Variants in LRP1 observed in about 807,000 individuals in gnomAD.
LRP1 encodes the protein LDL receptor related protein 1.
Under a neutral mutation model 541.5 loss-of-function variants are expected in LRP1, and 51 were observed. That is an observed-to-expected ratio of 0.09 (90% CI 0.08 to 0.12). The LOEUF is 0.12. Among genes scored for constraint, LRP1 ranks in the 10% least tolerant of loss-of-function variants. The pLI, the probability that LRP1 is intolerant of heterozygous loss-of-function variation, is 1.00. For synonymous variants in LRP1, 2,219 were observed against 2,470.8 expected, an observed-to-expected ratio of 0.90 and a Z score of 3.02; for missense variants, 3,878 against 6,376.2, an observed-to-expected ratio of 0.61 and a Z score of 13.34.
rs2035995691 is a variant in LRP1, at chr12:57,173,994, C to G, written c.3547+14C>G. The G allele has an allele frequency of 1.2e-6, 2 of 1,613,074 alleles. No homozygotes were observed. Among genetic ancestry groups the G allele is most frequent in the Non-Finnish European group, 8.5e-7 (1 of 1,179,728 alleles). ...GCGAGCTCTGCGGTGAGGCCTGGTC[C>G]CAGGAGAAGGGTAGGGAGGGTGGCT... On this transcript the variant is annotated intron_variant, in intron 22 of 88. Transcript: ENST00000243077. This position sits in a 1 kb window ranked among gnomAD's most constrained non-coding sequence, Gnocchi z 4.7.
intron 15 of LRP1, chr12:57,164,594 CCTGGTGGGAAAA>C (rs1299961388): frequency 6.6e-6 from 1 of 152,164 alleles, no homozygotes; most frequent in East Asian, 1.9e-4. Flanking sequence ...CTAAAAACAT[CCTGGTGGGAAAA>C]GTGGTTTTAT....
chr12:57,211,760 C>T lies in LRP1; in HGVS notation c.13204C>T (p.His4402Tyr). 4 of 1,613,294 alleles carry T rather than the reference C, an allele frequency of 2.5e-6. No homozygotes were observed. Among genetic ancestry groups the T allele is most frequent in the Non-Finnish European group, 3.4e-6 (4 of 1,179,948 alleles). Reference sequence around the variant, plus strand: ...CCCTCCTTTCTGCAGGTGCCCACCCCACATGACAGGGCCCCGGTGTGAGGA... The same window carrying T: ...CCCTCCTTTCTGCAGGTGCCCACCCTACATGACAGGGCCCCGGTGTGAGGA... ...KMMPECQCPP[H>Y]MTGPRCEEHV... Residue 4402 changes from histidine to tyrosine, a missense_variant, in exon 86 of 89, where the codon CAC becomes TAC. This residue lies in a region of LRP1 where 871 missense variants were observed against 1,212.4 expected (regional missense o/e 0.72). Coordinates refer to ENST00000243077, the MANE Select transcript of LRP1 (RefSeq NM_002332.3). The surrounding 1 kb of genome is among the most constrained non-coding windows in gnomAD (Gnocchi z 4.3).
Position 57,154,671 on chromosome 12 carries a change from G to A in LRP1, c.1197G>A (p.Lys399=), listed in dbSNP as rs896118380. The change falls in exon 8 of 89, where the codon AAG becomes AAA. Residue 399 remains lysine (K), a synonymous_variant. Transcript: ENST00000243077. This position sits in a 1 kb window ranked among gnomAD's most constrained non-coding sequence, Gnocchi z 4.6. ...TTGAAGTGGTGGACTATGAGGGCAA[G>A]GGCCGCCAGACCATCATCCAGGGCA... The part of the protein sequence containing the change: ...DYIEVVDYEG[K]GRQTIIQGIL... 5.1e-6 allele frequency: 8 copies of A among 1,571,820 alleles called. No homozygotes were observed. In the Middle Eastern group the frequency reaches 5.0e-4, roughly 98 times the overall value.
intron 22 of LRP1, 117 bp from the exon 23 acceptor site, chr12:57,175,343 G>A (rs1304277122): frequency 2.0e-5 from 24 of 1,223,580 alleles, no homozygotes; most frequent in Non-Finnish European, 2.8e-5. Flanking sequence ...ATGGGGCCGT[G>A]GGCAGGGCAC....
intron 81 of LRP1, 55 bp downstream of exon 81, chr12:57,210,224 G>A: frequency 6.4e-7 from 1 of 1,551,542 alleles, no homozygotes; most frequent in South Asian, 1.2e-5. Context: ...TCCTTCCTGT[G>A]GCTCCTGACT....
chr12:57,143,551 T>G (rs930378703), intron 3 of LRP1, 128 bp from the exon 4 acceptor site: 3 of 1,162,504 alleles, frequency 2.6e-6, no homozygotes, highest in Middle Eastern at 3.0e-4. Context: ...CTAAGGCCCT[T>G]CTGTCTCTGA....
At chr12:57,193,741 C>A (rs1046279165) in intron 47 of LRP1, 56 bp downstream of exon 47, 7 of 1,613,608 alleles carry the variant, frequency 4.3e-6, no homozygotes, top group Non-Finnish European at 5.9e-6. Context: ...CCCCACCCCT[C>A]CCTGGCCAAG....
intron 24 of LRP1, among the ~76,000 whole-genome samples, chr12:57,176,329 C>T (rs1007857590): frequency 3.9e-5 from 6 of 152,270 alleles, no homozygotes; most frequent in Non-Finnish European, 8.8e-5. Flanking sequence ...ATCAGCCTTA[C>T]CTTTGAATGG....
chr12:57,210,752 G>T lies in LRP1; in HGVS notation c.12789G>T (p.Thr4263=). The change falls in exon 83 of 89, where the codon ACG becomes ACT. Residue 4263 remains threonine (T), a synonymous_variant. Transcript: ENST00000243077. Reference sequence around the variant, plus strand: ...CGTGCCGGTGCCCCACGGGCTTCACGGGCCCCAAATGCACCCAGCAGGTGT... The same window carrying T: ...CGTGCCGGTGCCCCACGGGCTTCACTGGCCCCAAATGCACCCAGCAGGTGT... ...MPTCRCPTGF[T]GPKCTQQVCA... The T allele has an allele frequency of 6.2e-7, 1 of 1,611,572 alleles. No individual in the cohort carries two copies. Among genetic ancestry groups the T allele is most frequent in the South Asian group, 1.1e-5 (1 of 91,028 alleles).
chr12:57,195,104 A>G lies in LRP1; in HGVS notation c.8308+3A>G. 6.2e-7 allele frequency: 1 copy of G among 1,612,220 alleles called. No homozygotes were observed. Among genetic ancestry groups the G allele is most frequent in the Non-Finnish European group, 8.5e-7 (1 of 1,178,468 alleles). On this transcript the variant is annotated splice_donor_region_variant and intron_variant, in intron 51 of 88. Coordinates refer to ENST00000243077, the MANE Select transcript of LRP1 (RefSeq NM_002332.3). ...CTCAGACGAGGCTGCTCACTGTGGTAAGGAAGCTGGGATTGGGCCGGGGGA... is the reference window on the plus strand; with the variant it reads ...CTCAGACGAGGCTGCTCACTGTGGTGAGGAAGCTGGGATTGGGCCGGGGGA...
rs944903391 is a variant in LRP1, at chr12:57,201,837, C to T, written c.10526C>T (p.Pro3509Leu). The T allele has an allele frequency of 6.2e-7, 1 of 1,614,028 alleles. No individual in the cohort carries two copies. The highest frequency in any genetic ancestry group is 8.5e-7 in the Non-Finnish European group (1 of 1,180,030). Residue 3509 changes from proline to leucine, a missense_variant, in exon 67 of 89, where the codon CCA becomes CTA. This residue lies in a region of LRP1 where 278 missense variants were observed against 536.3 expected (regional missense o/e 0.52). Transcript: ENST00000243077. This position sits in a 1 kb window ranked among gnomAD's most constrained non-coding sequence, Gnocchi z 6.4. ...TGCAAGGATTCGGGCCGCTGCATCC[C>T]AGCGCGTTGGAAGTGTGACGGAGAG... is the stretch of plus-strand genomic sequence containing the variant. The part of the protein sequence containing the change: ...FRCKDSGRCI[P>L]ARWKCDGEDD...
At chr12:57,210,511 C>T in intron 82 of LRP1, 31 bp downstream of exon 82, 2 of 1,517,982 alleles carry the variant, frequency 1.3e-6, no homozygotes, top group Non-Finnish European at 1.8e-6. Context: ...ACGCCTGCTC[C>T]TTGCCCCTGG....
chr12:57,179,322 C>T lies in LRP1; in HGVS notation c.4739-7C>T, dbSNP rs564833958. ...ACTGCCTTCAGTGACCAGCCCATGCCCCACAGAGTTTAAGAAGTTCCTGCT... is the reference window on the plus strand; with the variant it reads ...ACTGCCTTCAGTGACCAGCCCATGCTCCACAGAGTTTAAGAAGTTCCTGCT... On this transcript the variant is annotated splice_polypyrimidine_tract_variant and splice_region_variant and intron_variant, in intron 28 of 88. Coordinates refer to ENST00000243077, the MANE Select transcript of LRP1 (RefSeq NM_002332.3). This position sits in a 1 kb window ranked among gnomAD's most constrained non-coding sequence, Gnocchi z 6.8. 1 of 1,605,972 alleles carries T rather than the reference C, an allele frequency of 6.2e-7. No individual in the cohort carries two copies. The highest frequency in any genetic ancestry group is 2.2e-5 in the East Asian group (1 of 44,800).
intron 41 of LRP1, 97 bp from the exon 42 acceptor site, chr12:57,187,170 A>T (rs2036285956): frequency 1.5e-6 from 2 of 1,305,090 alleles, no homozygotes; most frequent in Non-Finnish European, 2.1e-6. Context: ...TTCGCCTTCC[A>T]GCCAGGAGAG....
In LRP1 at chr12:57,160,019, G is replaced by A; in HGVS notation, c.1979+14G>A. On this transcript the variant is annotated intron_variant, in intron 12 of 88. Transcript: ENST00000243077. ...TCCACTCAATGGGTGAGTCCTCCCAGGCCTTGGGGTGGGAGGAGCTGGGAG... is the reference window on the plus strand; with the variant it reads ...TCCACTCAATGGGTGAGTCCTCCCAAGCCTTGGGGTGGGAGGAGCTGGGAG... The A allele has an allele frequency of 6.2e-7, 1 of 1,612,266 alleles. No homozygotes were observed. The highest frequency in any genetic ancestry group is 2.2e-5 in the East Asian group (1 of 44,868).
intron 82 of LRP1, 98 bp from the exon 83 acceptor site, chr12:57,210,620 T>C (rs2036890071): frequency 4.1e-6 from 6 of 1,476,982 alleles, no homozygotes; most frequent in Admixed American, 3.7e-5. Flanking sequence ...GTCACTCCAG[T>C]CTCTGCTTCT....
Position 57,206,054 on chromosome 12 carries a change from A to T in LRP1, c.11590+377A>T, listed in dbSNP as rs1017496559. 6.0e-5 allele frequency among the ~76,000 whole-genome samples: 9 copies of T among 151,250 alleles called. No homozygotes were observed. The highest frequency in any genetic ancestry group is 2.2e-4 in the African/African-American group (9 of 41,162). ...TGCCTGTACACAGACATTCACACAC[A>T]CCCCTGGCACACACACCCCCACCAT... On this transcript the variant is annotated intron_variant, in intron 75 of 88. Coordinates refer to ENST00000243077, the MANE Select transcript of LRP1 (RefSeq NM_002332.3). This position sits in a 1 kb window ranked among gnomAD's most constrained non-coding sequence, Gnocchi z 4.7.
Position 57,175,684 on chromosome 12 carries a change from G to A in LRP1, c.3772G>A (p.Gly1258Ser), listed in dbSNP as rs138433565. 5.1e-6 allele frequency: 8 copies of A among 1,575,212 alleles called. No homozygotes were observed. Among genetic ancestry groups the A allele is most frequent in the Non-Finnish European group, 6.0e-6 (7 of 1,158,320 alleles). ...CYEGWVLEPD[G>S]ESCRSLDPFK... ...CGAGGGCTGGGTCCTGGAACCTGAC[G>A]GCGAGAGCTGCCGCAGCCTGGGTGA... Residue 1258 changes from glycine to serine, a missense_variant, in exon 23 of 89, where the codon GGC (glycine) becomes AGC (serine). Coordinates refer to ENST00000243077, the MANE Select transcript of LRP1 (RefSeq NM_002332.3).
chr12:57,165,776 T>TC lies in LRP1; in HGVS notation c.2531-24dup. 6.2e-7 allele frequency: 1 copy of TC among 1,602,074 alleles called. No individual in the cohort carries two copies. ...TTGTCCCACGACCGGGGTCTGACTT[T>TC]CCCCCTCACGATCCTGTGGTGCCCA... On this transcript the variant is annotated intron_variant, in intron 15 of 88. Transcript: ENST00000243077. The surrounding 1 kb of genome is among the most constrained non-coding windows in gnomAD (Gnocchi z 4.5).
Sources: gnomAD v4.1 joint callset for allele counts (sites outside exome capture counted in the v4.1 genomes callset) on GRCh38, gnomAD v4.1.1 for gene constraint, gnomAD v4.1.1 regional missense constraint, Gnocchi (gnomAD v3.1) non-coding constraint, MANE v1.5 for transcripts, NCBI Gene and HGNC (gene_info 2026-07-23, HGNC 2026-07-21) for gene names.